The following STARD8 variants were observed in gnomAD, a reference collection of about 807,000 sequenced individuals.
STARD8 encodes StAR related lipid transfer domain containing 8.
A neutral mutation model predicts 69.4 loss-of-function variants in STARD8; 25 were observed. The observed-to-expected ratio is 0.36, with a 90% confidence interval of 0.26 to 0.50. The LOEUF (loss-of-function observed/expected upper bound fraction) is 0.50, where lower values mean the gene tolerates loss of function less well. STARD8 is among the 20% of genes least tolerant of loss of function. The pLI is 0.96. For missense variants in STARD8, 921 were observed against 932.5 expected, an observed-to-expected ratio of 0.99 and a Z score of 0.16; for synonymous variants, 389 against 374.6, an observed-to-expected ratio of 1.04 and a Z score of -0.45.
chrX:68,701,516 C>A (rs1164912429), intron 2 of STARD8, among the ~76,000 whole-genome samples: 1 of 113,154 alleles, frequency 8.8e-6, no homozygotes, highest in African/African-American at 3.2e-5. Context: ...AGGCAGTCCC[C>A]AGGTCCTTGC....
At chrX:68,661,314 C>A (rs778951061) in intron 1 of STARD8, among the ~76,000 whole-genome samples, 1 of 112,039 alleles carries the variant, frequency 8.9e-6, no homozygotes, top group Non-Finnish European at 1.9e-5. Context: ...GACCTCCCTA[C>A]TTCTCACCCA....
intron 1 of STARD8, among the ~76,000 whole-genome samples, chrX:68,652,787 C>A (rs2079557571): frequency 1.4e-5 from 1 of 70,476 alleles, no homozygotes; most frequent in Non-Finnish European, 2.8e-5. Flanking sequence ...ACACACCACA[C>A]ACACACACAC....
intron 5 of STARD8, 109 bp downstream of exon 5, chrX:68,716,540 G>A: frequency 1.4e-6 from 1 of 730,581 alleles, no homozygotes; most frequent in East Asian, 3.5e-5. Flanking sequence ...AGTCTGAGAT[G>A]TCCAGAGCAG....
intron 1 of STARD8, among the ~76,000 whole-genome samples, chrX:68,657,215 G>A (rs1053086739): frequency 8.9e-6 from 1 of 111,800 alleles, no homozygotes; most frequent in South Asian, 3.8e-4. Context: ...TTATAGGGCT[G>A]TAGTAAGGAT....
chrX:68,675,869 C>G (rs1032499720), intron 2 of STARD8, among the ~76,000 whole-genome samples: 2 of 111,745 alleles, frequency 1.8e-5, no homozygotes, highest in Non-Finnish European at 3.8e-5. Flanking sequence ...AAGGGTCATT[C>G]ATCACTGGGG....
At chrX:68,684,552 C>T (rs1238939254) in intron 2 of STARD8, among the ~76,000 whole-genome samples, 7 of 112,639 alleles carry the variant, frequency 6.2e-5, no homozygotes, top group African/African-American at 1.9e-4. Flanking sequence ...TCCTTTTCCG[C>T]GGGCGGCGTG....
At chrX:68,672,623 C>G (rs1480620878) in intron 2 of STARD8, among the ~76,000 whole-genome samples, 3 of 111,427 alleles carry the variant, frequency 2.7e-5, no homozygotes, top group African/African-American at 9.8e-5. Context: ...AAACTGGTGT[C>G]AGAAGCAGAG....
chrX:68,697,526 G>T (rs757208380), intron 2 of STARD8, among the ~76,000 whole-genome samples: 1 of 112,391 alleles, frequency 8.9e-6, no homozygotes, highest in Admixed American at 9.3e-5. Flanking sequence ...TTTGGGGTAC[G>T]CAGGTCTGGG....
At position 68,724,944 on chromosome X, in the gene STARD8, G is replaced by A. The variant is rs909445356; in HGVS notation, c.*522G>A. On this transcript the variant is annotated 3_prime_UTR_variant, in exon 15 of 15. Transcript: ENST00000374599. Reference sequence around the variant, plus strand: ...ATTGGACTGGAGTGAATGGGCACAGGGGTGGAGCGCAGGGCAGCCCCAGTC... The same window carrying A: ...ATTGGACTGGAGTGAATGGGCACAGAGGTGGAGCGCAGGGCAGCCCCAGTC... 1.8e-5 allele frequency: 2 copies of A among 113,289 alleles called. No individual in the cohort carries two copies. The highest frequency in any genetic ancestry group is 3.7e-5 in the Non-Finnish European group (2 of 54,103). 9.3% of individuals were successfully genotyped at this position (113,289 alleles called of 1,213,427 possible). A position where few individuals can be genotyped will look rare whatever the true frequency, so the allele number is the denominator to read the frequency against.
chrX:68,663,936 T>A (rs1436538518), intron 1 of STARD8, among the ~76,000 whole-genome samples: 1 of 111,612 alleles, frequency 9.0e-6, no homozygotes, highest in African/African-American at 3.3e-5. Context: ...ACATCCCCCA[T>A]CCCTCCTCTC....
At position 68,718,362 on chromosome X, in the gene STARD8, A is replaced by AGGCCCCGGCCCCAGCCCC; in HGVS notation, c.1466_1483dup (p.Pro489_Ala494dup). 8.3e-7 allele frequency: 1 copy of AGGCCCCGGCCCCAGCCCC among 1,205,548 alleles called. No individual in the cohort carries two copies. Among genetic ancestry groups the AGGCCCCGGCCCCAGCCCC allele is most frequent in the Non-Finnish European group, 1.1e-6 (1 of 892,068 alleles). ...GAACCAGTGGCACAGGAAGAGGCTG[A>AGGCCCCGGCCCCAGCCCC]GGCCCCGGCCCCAGCCCCGGCCCCG... is the stretch of plus-strand genomic sequence containing the variant. On this transcript the variant is annotated inframe_insertion, in exon 6 of 15. Transcript: ENST00000374599.
At chrX:68,723,459 G>A (rs375326525) in intron 12 of STARD8, among the ~76,000 whole-genome samples, 167 bp from the exon 13 acceptor site, 2 of 112,385 alleles carry the variant, frequency 1.8e-5, no homozygotes, top group African/African-American at 3.2e-5. Flanking sequence ...GAGAGAGAGG[G>A]CAGGGAGCAT....
At chrX:68,658,457 C>G (rs1468763019) in intron 1 of STARD8, among the ~76,000 whole-genome samples, 1 of 112,108 alleles carries the variant, frequency 8.9e-6, no homozygotes, top group Non-Finnish European at 1.9e-5. Flanking sequence ...TGAGTCTTTC[C>G]AGCTCTGACA....
At chrX:68,720,209 CAG>C in intron 7 of STARD8, 53 bp from the exon 8 acceptor site, 1 of 1,117,861 alleles carries the variant, frequency 8.9e-7, no homozygotes, top group Non-Finnish European at 1.2e-6. Flanking sequence ...AGACTGCAGG[CAG>C]AGTCTCCAAA....
chrX:68,678,512 CT>C (rs1425146021), intron 2 of STARD8, among the ~76,000 whole-genome samples: 1 of 112,261 alleles, frequency 8.9e-6, no homozygotes, highest in African/African-American at 3.2e-5. Flanking sequence ...GCTCTGCTGC[CT>C]GGTTTCTTCT....
At chrX:68,675,104 T>TG (rs2079756912) in intron 2 of STARD8, among the ~76,000 whole-genome samples, 1 of 109,954 alleles carries the variant, frequency 9.1e-6, no homozygotes, top group African/African-American at 3.3e-5. Flanking sequence ...ATTACACACA[T>TG]GCACCACCAT....
At chrX:68,659,390 A>G (rs2079630866) in intron 1 of STARD8, among the ~76,000 whole-genome samples, 1 of 111,966 alleles carries the variant, frequency 8.9e-6, no homozygotes, top group Non-Finnish European at 1.9e-5. Flanking sequence ...GGACAGTAGA[A>G]AACACAGATG....
Position 68,718,646 on chromosome X carries a change from G to C in STARD8, c.1715+17G>C. On this transcript the variant is annotated intron_variant, in intron 6 of 14. Transcript: ENST00000374599. ...ACCCTGCAGGTGAGAGTTTGGGTTGGGATGGGGCGGACGCAGGGTCTCCTG... is the reference window on the plus strand; with the variant it reads ...ACCCTGCAGGTGAGAGTTTGGGTTGCGATGGGGCGGACGCAGGGTCTCCTG... 8.5e-7 allele frequency: 1 copy of C among 1,170,357 alleles called. No homozygotes were observed. Among genetic ancestry groups the C allele is most frequent in the Non-Finnish European group, 1.1e-6 (1 of 874,661 alleles).
chrX:68,721,882 C>T, intron 10 of STARD8, 136 bp downstream of exon 10: 3 of 806,446 alleles, frequency 3.7e-6, no homozygotes, highest in Non-Finnish European at 5.3e-6. Flanking sequence ...CTCAGGGGCC[C>T]TGGGCTGGTG....
Sources: gnomAD v4.1 joint callset for allele counts (sites outside exome capture counted in the v4.1 genomes callset) on GRCh38, gnomAD v4.1.1 for gene constraint, MANE v1.5 for transcripts, NCBI Gene and HGNC (gene_info 2026-07-23, HGNC 2026-07-21) for gene names.